The following TTLL5 variants were observed in gnomAD, a reference collection of about 807,000 sequenced individuals.
TTLL5 encodes tubulin polyglutamylase TTLL5.
TTLL5 carries 132 observed loss-of-function variants against 168.4 expected under a neutral mutation model. The observed-to-expected ratio is 0.78, with a 90% CI of 0.68 to 0.91. The LOEUF (loss-of-function observed/expected upper bound fraction) is 0.91. Ranked by LOEUF, TTLL5 falls within the 40% of genes least tolerant of loss-of-function variation. The pLI is 0.00. For missense variants in TTLL5, 1,545 were observed against 1,581.5 expected (o/e 0.98, Z 0.39); for synonymous variants, 546 against 558.6 (o/e 0.98, Z 0.32).
chr14:75,883,013 C>A, intron 30 of TTLL5, 111 bp downstream of exon 30: 1 of 1,180,510 alleles, frequency 8.5e-7, no homozygotes, highest in Non-Finnish European at 1.2e-6. Context: ...GAAACAAGAA[C>A]ACCTGCTGGG....
chr14:75,928,721 C>A (rs1274994542), intron 31 of TTLL5, among the ~76,000 whole-genome samples: 1 of 152,004 alleles, frequency 6.6e-6, no homozygotes, highest in Admixed American at 6.6e-5. Flanking sequence ...ACAAGGAAAG[C>A]CTCTTCTGTC....
chr14:75,721,790 G>C (rs1282849568), intron 12 of TTLL5, among the ~76,000 whole-genome samples: 1 of 152,144 alleles, frequency 6.6e-6, no homozygotes, highest in Non-Finnish European at 1.5e-5. Flanking sequence ...TTTGTAATTA[G>C]ACATCATAAT....
chr14:75,870,445 G>T (rs1057183099), intron 29 of TTLL5, among the ~76,000 whole-genome samples: 7 of 151,752 alleles, frequency 4.6e-5, no homozygotes, highest in Non-Finnish European at 1.0e-4. Flanking sequence ...TCTTAATAAG[G>T]TGTTCTTGGG....
At chr14:75,778,512 T>TGAGA (rs1891853421) in intron 23 of TTLL5, among the ~76,000 whole-genome samples, 2 of 152,336 alleles carry the variant, frequency 1.3e-5, no homozygotes, top group South Asian at 4.1e-4. Flanking sequence ...GATAGTCACT[T>TGAGA]GAGAGACTTA....
At chr14:75,839,880 G>T (rs1896127489) in intron 28 of TTLL5, among the ~76,000 whole-genome samples, 1 of 152,114 alleles carries the variant, frequency 6.6e-6, no homozygotes, top group South Asian at 2.1e-4. Context: ...AGAAATCTCT[G>T]TTTAAGTTTT....
intron 27 of TTLL5, among the ~76,000 whole-genome samples, chr14:75,804,130 A>C (rs1303478696): frequency 6.6e-6 from 1 of 152,118 alleles, no homozygotes; most frequent in African/African-American, 2.4e-5. Flanking sequence ...AGATACAGAG[A>C]GGGGAGGAGA....
At chr14:75,745,877 T>C (rs1332695374) in intron 17 of TTLL5, among the ~76,000 whole-genome samples, 3 of 152,170 alleles carry the variant, frequency 2.0e-5, no homozygotes, top group Admixed American at 1.3e-4. Context: ...AAAAATTGTT[T>C]ATCTATATGT....
Position 75,779,684 on chromosome 14 carries a change from G to C in TTLL5, c.2497G>C (p.Asp833His), listed in dbSNP as rs369185041. Residue 833 changes from aspartate to histidine, a missense_variant, in exon 24 of 32, where the codon GAT (aspartate) becomes CAT (histidine). Physicochemically the swap from Asp to His is moderately conservative, Grantham distance 81. Coordinates refer to ENST00000298832, the MANE Select transcript of TTLL5 (RefSeq NM_015072.5). ...KISKNNNNYS[D>H]SGAKGDHPET... is the part of the protein sequence containing the mutation. Reference sequence around the variant, plus strand: ...TTCTAAGAACAACAACAATTATTCTGATAGTGGGGCAAAAGGTGGTAAGTA... The same window carrying C: ...TTCTAAGAACAACAACAATTATTCTCATAGTGGGGCAAAAGGTGGTAAGTA... The C allele has an allele frequency of 7.4e-6, 12 of 1,612,324 alleles. No homozygotes were observed. In the African/African-American group the frequency reaches 1.3e-4, roughly 18 times the overall value.
At chr14:75,903,710 T>G (rs2033022592) in intron 31 of TTLL5, among the ~76,000 whole-genome samples, 1 of 151,206 alleles carries the variant, frequency 6.6e-6, no homozygotes, top group African/African-American at 2.4e-5. Flanking sequence ...GGCAACAAAG[T>G]GAGACCCTAT....
At chr14:75,808,761 A>G (rs1441429180) in intron 27 of TTLL5, among the ~76,000 whole-genome samples, 1 of 152,118 alleles carries the variant, frequency 6.6e-6, no homozygotes, top group African/African-American at 2.4e-5. Flanking sequence ...GGCATGTTCA[A>G]TTGATCCAGT....
intron 30 of TTLL5, among the ~76,000 whole-genome samples, chr14:75,896,764 C>G (rs758995511): frequency 1.3e-5 from 2 of 152,088 alleles, no homozygotes; most frequent in African/African-American, 4.8e-5. Flanking sequence ...AAAAGAAGAA[C>G]AGAGGAAACC....
chr14:75,885,365 G>A (rs560115680), intron 30 of TTLL5, among the ~76,000 whole-genome samples: 7 of 150,902 alleles, frequency 4.6e-5, no homozygotes, highest in African/African-American at 1.5e-4. Flanking sequence ...GATGGTGGGC[G>A]CCTGTAGTCC....
Position 75,898,287 on chromosome 14 carries a change from T to C in TTLL5, c.3741-3855T>C, listed in dbSNP as rs147026706. Reference sequence around the variant, plus strand: ...TATCACTCCAGTCAGTCAGTTTCAGTTCCCGTGGGACTTTCTTATAGCAAG... The same window carrying C: ...TATCACTCCAGTCAGTCAGTTTCAGCTCCCGTGGGACTTTCTTATAGCAAG... On this transcript the variant is annotated intron_variant, in intron 30 of 31. Transcript: ENST00000298832. Among the ~76,000 whole-genome samples the C allele has an allele frequency of 1.1e-3, 172 of 152,314 alleles. 1 individual carries two copies. Among genetic ancestry groups the C allele is most frequent in the African/African-American group, 3.8e-3 (160 of 41,572 alleles).
intron 29 of TTLL5, among the ~76,000 whole-genome samples, chr14:75,872,968 T>G (rs1286400426): frequency 6.6e-6 from 1 of 152,080 alleles, no homozygotes; most frequent in Non-Finnish European, 1.5e-5. Context: ...ATCACCTTTT[T>G]TTTATCATTT....
At chr14:75,815,244 G>C (rs568413458) in intron 27 of TTLL5, among the ~76,000 whole-genome samples, 2 of 152,204 alleles carry the variant, frequency 1.3e-5, no homozygotes, top group Non-Finnish European at 2.9e-5. Flanking sequence ...TTATCATTTG[G>C]TAGGAACAGA....
chr14:75,895,458 A>G lies in TTLL5; in HGVS notation c.3741-6684A>G, dbSNP rs115621005. 8.4e-3 allele frequency among the ~76,000 whole-genome samples: 1,279 copies of G among 152,166 alleles called. 18 individuals carry two copies. The highest frequency in any genetic ancestry group is 0.029 in the African/African-American group (1,201 of 41,500). The stretch of plus-strand genomic sequence containing the variant: ...AGGCTCCGTGCACTTCAAAATATCA[A>G]TATCAAACGGTTCACACTCTTCAAC... On this transcript the variant is annotated intron_variant, in intron 30 of 31. Transcript: ENST00000298832.
At position 75,684,031 on chromosome 14, in the gene TTLL5, C is replaced by T. The variant is rs148831427; in HGVS notation, c.371+375C>T. The T allele has an allele frequency of 4.5e-3, 968 of 213,290 alleles. 8 individuals carry two copies. Among genetic ancestry groups the T allele is most frequent in the African/African-American group, 0.021 (910 of 42,756 alleles). The allele number at this position is 213,290 out of a possible 1,614,324, so 13.2% of individuals were successfully genotyped here. A position where few individuals can be genotyped will look rare whatever the true frequency, so the allele number is the denominator to read the frequency against. On this transcript the variant is annotated intron_variant, in intron 5 of 31. Transcript: ENST00000298832. ...TCAATTGATCTGCCTGCCTTGGCCTCCCAAAGTGCTGGGATTACAGACATG... is the reference window on the plus strand; with the variant it reads ...TCAATTGATCTGCCTGCCTTGGCCTTCCAAAGTGCTGGGATTACAGACATG...
intron 12 of TTLL5, among the ~76,000 whole-genome samples, chr14:75,730,625 A>G (rs888400577): frequency 3.3e-5 from 5 of 152,228 alleles, no homozygotes; most frequent in African/African-American, 9.6e-5. Flanking sequence ...AGTGATTAAT[A>G]AAGAGGCTAA....
chr14:75,831,680 G>T (rs1486841438), intron 28 of TTLL5, among the ~76,000 whole-genome samples: 1 of 152,194 alleles, frequency 6.6e-6, no homozygotes, highest in African/African-American at 2.4e-5. Context: ...TGGCTTTTCA[G>T]AGACGCCAAA....
Sources: allele counts gnomAD v4.1 joint callset (sites outside exome capture counted in the v4.1 genomes callset), GRCh38; gene constraint gnomAD v4.1.1; transcripts MANE v1.5; gene names NCBI Gene and HGNC (gene_info 2026-07-23, HGNC 2026-07-21).